PRKN: variants seen among roughly 807,000 people sequenced by gnomAD.
PRKN encodes E3 ubiquitin-protein ligase parkin.
PRKN carries 56 observed loss-of-function variants against 59.5 expected under a neutral mutation model. That is an observed-to-expected ratio of 0.94 (90% confidence interval 0.76 to 1.18). PRKN has a LOEUF of 1.18. Ranked by LOEUF, PRKN falls within the 50% of genes most tolerant of loss-of-function variation. The pLI is 0.00. For synonymous variants in PRKN, 250 were observed against 222.1 expected, an observed-to-expected ratio of 1.13 and a Z score of -1.12; for missense variants, 657 against 596.4, an observed-to-expected ratio of 1.10 and a Z score of -1.06.
intron 3 of PRKN, among the ~76,000 whole-genome samples, chr6:162,241,203 T>C (rs1352864215): frequency 1.3e-5 from 2 of 152,198 alleles, no homozygotes; most frequent in African/African-American, 4.8e-5. Flanking sequence ...TAGTCTATCA[T>C]GTAGGAAAAT....
At chr6:161,612,549 CCT>C (rs1782524793) in intron 7 of PRKN, among the ~76,000 whole-genome samples, 1 of 151,624 alleles carries the variant, frequency 6.6e-6, no homozygotes, top group Non-Finnish European at 1.5e-5. Flanking sequence ...GGTGAAACCC[CCT>C]CTCTACTAAA....
At chr6:162,339,257 C>T (rs564334433) in intron 2 of PRKN, among the ~76,000 whole-genome samples, 3 of 146,170 alleles carry the variant, frequency 2.1e-5, no homozygotes, top group South Asian at 4.2e-4. Flanking sequence ...GGTCAGCCCC[C>T]CGCCCGGCCA....
intron 3 of PRKN, among the ~76,000 whole-genome samples, chr6:162,254,676 C>T (rs1404816987): frequency 1.3e-5 from 2 of 152,070 alleles, no homozygotes; most frequent in Admixed American, 1.3e-4. Context: ...TGCCCCCATC[C>T]TTCATCCACT....
chr6:162,440,181 G>A (rs1789986483), intron 2 of PRKN, among the ~76,000 whole-genome samples: 1 of 152,084 alleles, frequency 6.6e-6, no homozygotes, highest in African/African-American at 2.4e-5. Flanking sequence ...AAACTGAACA[G>A]ATGAGTGTGT....
chr6:162,367,412 G>C (rs1007048886), intron 2 of PRKN, among the ~76,000 whole-genome samples: 2 of 152,028 alleles, frequency 1.3e-5, no homozygotes, highest in Non-Finnish European at 2.9e-5. Flanking sequence ...TTTAATAATG[G>C]TACAGTATCT....
At chr6:161,643,619 T>C (rs575782735) in intron 7 of PRKN, among the ~76,000 whole-genome samples, 1 of 152,318 alleles carries the variant, frequency 6.6e-6, no homozygotes, top group African/African-American at 2.4e-5. Context: ...ATTCCAAAGA[T>C]GTCATATAAC....
At chr6:162,079,082 A>C (rs1778952628) in intron 4 of PRKN, among the ~76,000 whole-genome samples, 1 of 152,024 alleles carries the variant, frequency 6.6e-6, no homozygotes, top group Non-Finnish European at 1.5e-5. Flanking sequence ...AGTTAACATG[A>C]AATTCCCAAA....
chr6:161,568,948 C>G (rs1276687949), intron 8 of PRKN, among the ~76,000 whole-genome samples: 2 of 148,688 alleles, frequency 1.3e-5, no homozygotes, highest in Non-Finnish European at 3.0e-5. Flanking sequence ...ATACAGATAA[C>G]AAACACCCAA....
chr6:162,409,595 G>T (rs1265412939), intron 2 of PRKN, among the ~76,000 whole-genome samples: 1 of 152,134 alleles, frequency 6.6e-6, no homozygotes, highest in Admixed American at 6.5e-5. Context: ...TCATGAGATT[G>T]AACATATCCT....
In PRKN at chr6:161,799,096, G is replaced by A. The variant is rs536856085; in HGVS notation, c.735-13188C>T. 2.6e-5 allele frequency among the ~76,000 whole-genome samples: 4 copies of A among 152,304 alleles called. No individual in the cohort carries two copies. The East Asian group carries it at 5.8e-4, about 22-fold the overall frequency. ...ACATATTACTCGTGGCTGCTTTTGT[G>A]CCATAATAGCAGCATTCACTAGCTG... On this transcript the variant is annotated intron_variant, in intron 6 of 11. Coordinates refer to ENST00000366898, the MANE Select transcript of PRKN (RefSeq NM_004562.3).
intron 2 of PRKN, among the ~76,000 whole-genome samples, chr6:162,413,756 T>C (rs906447423): frequency 1.3e-5 from 2 of 152,222 alleles, no homozygotes; most frequent in Admixed American, 6.5e-5. Flanking sequence ...GAGTAGACCA[T>C]AGACATCACC....
At chr6:162,052,070 C>T (rs1167153066) in intron 5 of PRKN, among the ~76,000 whole-genome samples, 1 of 152,024 alleles carries the variant, frequency 6.6e-6, no homozygotes, top group South Asian at 2.1e-4. Context: ...GTGGTATGGC[C>T]GTAGACAGGA....
At chr6:161,671,376 C>T (rs539869744) in intron 7 of PRKN, among the ~76,000 whole-genome samples, 3 of 152,160 alleles carry the variant, frequency 2.0e-5, no homozygotes, top group African/African-American at 7.2e-5. Flanking sequence ...CTCAGACCCC[C>T]CACTGCAACC....
At chr6:161,450,746 A>AG (rs1241868785) in intron 9 of PRKN, among the ~76,000 whole-genome samples, 7 of 152,020 alleles carry the variant, frequency 4.6e-5, no homozygotes, top group Non-Finnish European at 8.8e-5. Context: ...TAGTAGAGAC[A>AG]GGGTTTCACT....
chr6:161,532,044 T>C (rs482420), intron 9 of PRKN, among the ~76,000 whole-genome samples: 122,618 of 151,888 alleles, frequency 0.81, 49,712 homozygotes, highest in Middle Eastern at 0.87. Context: ...ACCATCCTAC[T>C]CTTCCCTGAA....
intron 3 of PRKN, among the ~76,000 whole-genome samples, chr6:162,245,462 G>A (rs1779159734): frequency 6.6e-6 from 1 of 151,834 alleles, no homozygotes; most frequent in African/African-American, 2.4e-5. Flanking sequence ...ATAGGTTGAA[G>A]AAAATTTTTG....
At chr6:162,662,798 C>G (rs1270842743) in intron 1 of PRKN, among the ~76,000 whole-genome samples, 2 of 151,906 alleles carry the variant, frequency 1.3e-5, no homozygotes, top group South Asian at 4.1e-4. Flanking sequence ...ATTTTTATAC[C>G]AGTATGATGC....
At chr6:162,482,847 G>A (rs1035910627) in intron 1 of PRKN, among the ~76,000 whole-genome samples, 8 of 152,104 alleles carry the variant, frequency 5.3e-5, no homozygotes, top group Non-Finnish European at 1.2e-4. Context: ...ACCTTCCAAC[G>A]TGGAAATTTA....
At chr6:162,220,934 T>C (rs183791731) in intron 3 of PRKN, among the ~76,000 whole-genome samples, 56 of 152,350 alleles carry the variant, frequency 3.7e-4, no homozygotes, top group African/African-American at 1.3e-3. Context: ...TGTGAATGTA[T>C]TGAGCTAAAT....
Sources: gnomAD v4.1 joint callset for allele counts (sites outside exome capture counted in the v4.1 genomes callset) on GRCh38, gnomAD v4.1.1 for gene constraint, MANE v1.5 for transcripts, NCBI Gene and HGNC (gene_info 2026-07-23, HGNC 2026-07-21) for gene names.